The following DPP9 variants were observed in gnomAD, a reference collection of about 807,000 sequenced individuals.
The protein encoded by DPP9 is dipeptidyl peptidase IV-related protein-2.
In DPP9, 50 loss-of-function variants were observed where a neutral mutation model predicts 110.7. That is an observed-to-expected ratio of 0.45 (90% confidence interval 0.36 to 0.57). DPP9 has a LOEUF of 0.57. DPP9 is among the 20% of genes least tolerant of loss of function. The pLI, the probability that DPP9 is intolerant of heterozygous loss-of-function variation, is 0.00. For synonymous variants in DPP9, 561 were observed against 514.4 expected (o/e 1.09, Z -1.23); for missense variants, 1,022 against 1,217.9 (o/e 0.84, Z 2.39).
chr19:4,683,402 G>C, intron 19 of DPP9, 75 bp downstream of exon 19: 4 of 1,590,412 alleles, frequency 2.5e-6, no homozygotes, highest in Non-Finnish European at 3.4e-6. Flanking sequence ...TGGCGCGGGC[G>C]GTGGGCAAAC....
intron 21 of DPP9, among the ~76,000 whole-genome samples, chr19:4,678,276 C>T (rs1306367224): frequency 6.6e-6 from 1 of 152,114 alleles, no homozygotes; most frequent in Non-Finnish European, 1.5e-5. Flanking sequence ...CCACACTCGG[C>T]TAATTTTTGT....
chr19:4,684,858 CGGGCCTGGCAGGGGAGATGCCGGTGGGCT>C lies in DPP9; in HGVS notation c.2032-78_2032-50del. Reference sequence around the variant, plus strand: ...GTCCAGCACGAGATGCCGGGCAGGACGGGCCTGGCAGGGGAGATGCCGGTGGGCTGGGGACCGGGCCGGGCTGGGGCCTC... The same window carrying C: ...GTCCAGCACGAGATGCCGGGCAGGACGGGGACCGGGCCGGGCTGGGGCCTC... On this transcript the variant is annotated intron_variant, in intron 17 of 21. Coordinates refer to ENST00000262960, the MANE Select transcript of DPP9 (RefSeq NM_139159.5). The surrounding 1 kb of genome is among the most constrained non-coding windows in gnomAD (Gnocchi z 4.8). 1.3e-6 allele frequency: 2 copies of C among 1,561,602 alleles called. No homozygotes were observed. Among genetic ancestry groups the C allele is most frequent in the Non-Finnish European group, 1.7e-6 (2 of 1,153,606 alleles).
rs1464530098 is a variant in DPP9 at position 4,683,483 on chromosome 19, C to T, written c.2325G>A (p.Val775=). 2 of 1,612,944 alleles carry T rather than the reference C, an allele frequency of 1.2e-6. No individual in the cohort carries two copies. Among genetic ancestry groups the T allele is most frequent in the Non-Finnish European group, 1.7e-6 (2 of 1,179,858 alleles). Residue 775 remains valine, a synonymous_variant, in exon 19 of 22, where the codon GTG becomes GTA. Coordinates refer to ENST00000262960, the MANE Select transcript of DPP9 (RefSeq NM_139159.5). ...SLMGLIHKPQ[V]FKVAIAGAPV... Reference sequence around the variant, plus strand: ...GGCCAGGGGTGGGACCCACCTTGAACACCTGGGGCTTGTGGATTAGCCCCA... The same window carrying T: ...GGCCAGGGGTGGGACCCACCTTGAATACCTGGGGCTTGTGGATTAGCCCCA...
At chr19:4,709,517 C>A (rs1447218895) in intron 4 of DPP9, among the ~76,000 whole-genome samples, 1 of 152,098 alleles carries the variant, frequency 6.6e-6, no homozygotes. Context: ...GCTGCCAGGA[C>A]CCTGCCCGTC....
intron 16 of DPP9, 157 bp downstream of exon 16, chr19:4,688,600 T>A (rs1344807310): frequency 2.0e-6 from 2 of 987,660 alleles, no homozygotes; most frequent in Non-Finnish European, 2.7e-6. Context: ...GCTTATGTCC[T>A]ATGACGAGTT....
rs544759785 is a variant in DPP9 at position 4,718,718 on chromosome 19, G to A, written c.56+1133C>T. ...CTTCAGTAACTGACCCCTAAGGCATGTGCCCACCAGACGCTGGGACCACCC... is the reference window on the plus strand; with the variant it reads ...CTTCAGTAACTGACCCCTAAGGCATATGCCCACCAGACGCTGGGACCACCC... On this transcript the variant is annotated intron_variant, in intron 3 of 21. Transcript: ENST00000262960. This position sits in a 1 kb window ranked among gnomAD's most constrained non-coding sequence, Gnocchi z 4.3. 1.3e-5 allele frequency among the ~76,000 whole-genome samples: 2 copies of A among 152,208 alleles called. No homozygotes were observed. The highest frequency in any genetic ancestry group is 6.5e-5 in the Admixed American group (1 of 15,278).
chr19:4,688,672 G>T, intron 16 of DPP9, 85 bp downstream of exon 16: 1 of 1,348,084 alleles, frequency 7.4e-7, no homozygotes, highest in Non-Finnish European at 9.5e-7. Context: ...CCAGGCCTCT[G>T]CCTCTTTCCC....
chr19:4,676,597 G>A lies in DPP9; in HGVS notation c.2646C>T (p.Val882=), dbSNP rs1713911639. 3 of 1,608,286 alleles carry A rather than the reference G, an allele frequency of 1.9e-6. No individual in the cohort carries two copies. The highest frequency in any genetic ancestry group is 2.5e-6 in the Non-Finnish European group (3 of 1,177,550). ...ATTCCTGTAGAAAGTGCAGCAACGT[G>A]ACTTCATAGTGCTCGCCCGACTCGG... ...RCPESGEHYE[V]TLLHFLQEYL is the part of the protein sequence containing the mutation. Residue 882 remains valine, a synonymous_variant, in exon 22 of 22, where the codon GTC becomes GTT. Coordinates refer to ENST00000262960, the MANE Select transcript of DPP9 (RefSeq NM_139159.5). This position sits in a 1 kb window ranked among gnomAD's most constrained non-coding sequence, Gnocchi z 4.0.
At chr19:4,692,002 G>T (rs1323596840) in intron 13 of DPP9, among the ~76,000 whole-genome samples, 1 of 151,854 alleles carries the variant, frequency 6.6e-6, no homozygotes, top group Non-Finnish European at 1.5e-5. Flanking sequence ...GGGCGAGGGG[G>T]TAGAGACAGG....
At position 4,719,877 on chromosome 19, in the gene DPP9, G is replaced by A; in HGVS notation, c.30C>T (p.Asp10=). ...TTCTCCAACTTCCGGTGTTCTCCTT[G>A]TCCAGGCGCAGTTTCTTAACCTTCC... The part of the protein sequence containing the change: MRKVKKLRL[D]KENTGSWRSF... The change falls in exon 3 of 22, where the codon GAC becomes GAT. Residue 10 remains aspartate (D), a synonymous_variant. Transcript: ENST00000262960. 1 of 1,551,754 alleles carries A rather than the reference G, an allele frequency of 6.4e-7. No homozygotes were observed. Among genetic ancestry groups the A allele is most frequent in the Non-Finnish European group, 8.7e-7 (1 of 1,147,008 alleles).
intron 16 of DPP9, among the ~76,000 whole-genome samples, chr19:4,688,133 GGGT>G (rs772050952): frequency 0.065 from 9,948 of 152,002 alleles, 572 homozygotes; most frequent in African/African-American, 0.15. Flanking sequence ...TTTAGAGTCA[GGGT>G]CTTGCTCTGT....
chr19:4,719,979 C>T (rs1202378287), intron 2 of DPP9, 38 bp from the exon 3 acceptor site: 1 of 1,525,196 alleles, frequency 6.6e-7, no homozygotes, highest in South Asian at 1.2e-5. Flanking sequence ...AGGGCTGCAA[C>T]CCCAGCAGGT....
In DPP9 at chr19:4,694,690, T is replaced by G. The variant is rs2091637810; in HGVS notation, c.1487A>C (p.Asp496Ala). 6.2e-7 allele frequency: 1 copy of G among 1,612,694 alleles called. No homozygotes were observed. The highest frequency in any genetic ancestry group is 1.3e-5 in the African/African-American group (1 of 75,018). The change falls in exon 13 of 22, where the codon GAT becomes GCT. Residue 496 changes from aspartate to alanine, a missense_variant. By Grantham distance (126) the Asp-to-Ala change is moderately radical. Coordinates refer to ENST00000262960, the MANE Select transcript of DPP9 (RefSeq NM_139159.5). The surrounding 1 kb of genome is among the most constrained non-coding windows in gnomAD (Gnocchi z 4.0). The part of the protein sequence containing the change: ...VTAVLKSQGY[D>A]WSEPFSPGED... Reference sequence around the variant, plus strand: ...CCCGGGGCTGAAGGGCTCACTCCAATCGTAGCCCTGGGATTTTAAAACGGC... The same window carrying G: ...CCCGGGGCTGAAGGGCTCACTCCAAGCGTAGCCCTGGGATTTTAAAACGGC...
intron 2 of DPP9, among the ~76,000 whole-genome samples, chr19:4,720,667 T>C (rs922616576): frequency 6.6e-6 from 1 of 151,962 alleles, no homozygotes; most frequent in Non-Finnish European, 1.5e-5. Flanking sequence ...TGTGTGGCTG[T>C]CACAACTCGG....
rs146833466 is a variant in DPP9 at position 4,720,391 on chromosome 19, C to T, written c.-35-450G>A. Among the ~76,000 whole-genome samples the T allele has an allele frequency of 2.7e-3, 414 of 152,306 alleles. 1 individual carries two copies. Among genetic ancestry groups the T allele is most frequent in the African/African-American group, 9.5e-3 (394 of 41,566 alleles). Reference sequence around the variant, plus strand: ...GCTCGCTCCTAGCACACAGCTTCTGCACGACGCACCCCGTGGCCTGAAATG... The same window carrying T: ...GCTCGCTCCTAGCACACAGCTTCTGTACGACGCACCCCGTGGCCTGAAATG... On this transcript the variant is annotated intron_variant, in intron 2 of 21. Transcript: ENST00000262960.
At chr19:4,703,251 A>C (rs112310125) in intron 7 of DPP9, among the ~76,000 whole-genome samples, 2 of 152,098 alleles carry the variant, frequency 1.3e-5, no homozygotes, top group Admixed American at 1.3e-4. Flanking sequence ...GTGGAGGGGA[A>C]GGTGTGCAGG....
rs1021868982 is a variant in DPP9 at position 4,687,549 on chromosome 19, G to GC, written c.1885+1207dup. On this transcript the variant is annotated intron_variant, in intron 16 of 21. Coordinates refer to ENST00000262960, the MANE Select transcript of DPP9 (RefSeq NM_139159.5). The surrounding 1 kb of genome is among the most constrained non-coding windows in gnomAD (Gnocchi z 4.7). ...GTGTCAGGTTGCCTCATTTCCTGAG[G>GC]CCCCCCTGTGACTGACCCTTTGCTC... Among the ~76,000 whole-genome samples the GC allele has an allele frequency of 6.6e-6, 1 of 152,114 alleles. No individual in the cohort carries two copies. The highest frequency in any genetic ancestry group is 6.5e-5 in the Admixed American group (1 of 15,274).
In DPP9 at chr19:4,676,345, T is replaced by G; in HGVS notation, c.*219A>C. ...CTGGCCCGAGACCACCATCTCTCTG[T>G]CTCGGCAACCAAGAAGCAGCGGACA... is the stretch of plus-strand genomic sequence containing the variant. On this transcript the variant is annotated 3_prime_UTR_variant, in exon 22 of 22. Transcript: ENST00000262960. This position sits in a 1 kb window ranked among gnomAD's most constrained non-coding sequence, Gnocchi z 4.0. 1 of 570,670 alleles carries G rather than the reference T, an allele frequency of 1.8e-6. No individual in the cohort carries two copies. The highest frequency in any genetic ancestry group is 3.2e-6 in the Non-Finnish European group (1 of 317,032). 35.4% of individuals were successfully genotyped at this position (570,670 alleles called of 1,614,324 possible).
chr19:4,695,495 CG>C lies in DPP9; in HGVS notation c.1235del (p.Pro412ArgfsTer15), dbSNP rs747759328. 8 of 1,553,994 alleles carry C rather than the reference CG, an allele frequency of 5.1e-6. No homozygotes were observed. Among genetic ancestry groups the C allele is most frequent in the East Asian group, 4.8e-5 (2 of 41,436 alleles). ...TCTCTGTGCTCGGGATGAACAGGGC[CG>C]GGGGGAGGAGGACGAGCTGGAGCCA... ...QQWLQLVLLP[P>X]ALFIPSTENE... On this transcript the variant is annotated frameshift_variant, in exon 12 of 22. Transcript: ENST00000262960. LOFTEE classifies it high-confidence loss of function. The surrounding 1 kb of genome is among the most constrained non-coding windows in gnomAD (Gnocchi z 4.7).
Sources: allele counts gnomAD v4.1 joint callset (sites outside exome capture counted in the v4.1 genomes callset), GRCh38; gene constraint gnomAD v4.1.1; non-coding constraint Gnocchi (gnomAD v3.1); transcripts MANE v1.5; gene names NCBI Gene and HGNC (gene_info 2026-07-23, HGNC 2026-07-21).